The following TMPRSS15 variants were observed in gnomAD, a reference collection of about 807,000 sequenced individuals.
TMPRSS15 encodes enteropeptidase.
TMPRSS15 carries 128 observed loss-of-function variants against 125.3 expected under a neutral mutation model. The observed-to-expected ratio is 1.02, with a 90% CI of 0.89 to 1.18. TMPRSS15 has a LOEUF of 1.18. Among genes scored for constraint, TMPRSS15 ranks in the 50% most tolerant of loss-of-function variants. The pLI is 0.00. For missense variants in TMPRSS15, 1,283 were observed against 1,212.7 expected (o/e 1.06, Z -0.86); for synonymous variants, 446 against 423.2 (o/e 1.05, Z -0.66).
chr21:18,292,174 T>C (rs571848873), intron 21 of TMPRSS15, among the ~76,000 whole-genome samples: 9 of 152,318 alleles, frequency 5.9e-5, no homozygotes, highest in South Asian at 4.1e-4. Context: ...TCCAAATCAA[T>C]GGAATAATAA....
chr21:18,344,331 G>T (rs546838408), intron 10 of TMPRSS15, among the ~76,000 whole-genome samples: 1 of 152,116 alleles, frequency 6.6e-6, no homozygotes, highest in Non-Finnish European at 1.5e-5. Flanking sequence ...ATAAAATTCT[G>T]ACTTATTATG....
chr21:18,418,857 T>C (rs2076185899), intron 1 of TMPRSS15, among the ~76,000 whole-genome samples: 1 of 152,202 alleles, frequency 6.6e-6, no homozygotes, highest in Non-Finnish European at 1.5e-5. Flanking sequence ...GGTAGATCAA[T>C]GCAAAAACAA....
At chr21:18,309,780 C>G (rs889261571) in intron 18 of TMPRSS15, among the ~76,000 whole-genome samples, 1 of 152,166 alleles carries the variant, frequency 6.6e-6, no homozygotes, top group Non-Finnish European at 1.5e-5. Flanking sequence ...CAGGAAACAA[C>G]AGATGCTGGA....
intron 8 of TMPRSS15, among the ~76,000 whole-genome samples, chr21:18,355,373 T>C (rs2075614960): frequency 6.6e-6 from 1 of 151,808 alleles, no homozygotes; most frequent in South Asian, 2.1e-4. Context: ...AATAGAACTG[T>C]GCTAGTCTAA....
intron 18 of TMPRSS15, among the ~76,000 whole-genome samples, chr21:18,303,614 C>A (rs568011630): frequency 1.6e-4 from 25 of 152,090 alleles, no homozygotes; most frequent in African/African-American, 6.0e-4. Flanking sequence ...TAGAAACCTC[C>A]TCTTTTCCAA....
chr21:18,398,417 G>C (rs2824805), intron 1 of TMPRSS15, 88 bp from the exon 2 acceptor site: 269,133 of 1,390,742 alleles, frequency 0.19, 28,913 homozygotes, highest in East Asian at 0.45. Flanking sequence ...TAGAAGTAAA[G>C]CTCTCGCCTG....
At chr21:18,455,905 G>A (rs982294607) in intron 1 of TMPRSS15, among the ~76,000 whole-genome samples, 2 of 152,064 alleles carry the variant, frequency 1.3e-5, no homozygotes, top group African/African-American at 4.8e-5. Flanking sequence ...GTATTGTATA[G>A]CAATCTAGAT....
At chr21:18,293,922 A>G (rs2074868510) in intron 21 of TMPRSS15, among the ~76,000 whole-genome samples, 1 of 152,226 alleles carries the variant, frequency 6.6e-6, no homozygotes, top group African/African-American at 2.4e-5. Flanking sequence ...ATTGAATGGT[A>G]ACCAGTACAA....
At chr21:18,275,089 G>C (rs971932315) in intron 24 of TMPRSS15, 108 bp downstream of exon 24, 2 of 1,435,990 alleles carry the variant, frequency 1.4e-6, no homozygotes, top group African/African-American at 2.8e-5. Flanking sequence ...TTGTAAAAGA[G>C]AAATGAAAGA....
chr21:18,457,788 A>G (rs189680698), intron 1 of TMPRSS15, among the ~76,000 whole-genome samples: 1 of 152,124 alleles, frequency 6.6e-6, no homozygotes, highest in Non-Finnish European at 1.5e-5. Flanking sequence ...ATTTCTAAAA[A>G]CCACTAAAAA....
rs527968260 is a variant in TMPRSS15, at chr21:18,275,447, C to T, written c.2765-111G>A. The T allele has an allele frequency of 1.2e-5, 16 of 1,288,134 alleles. No individual in the cohort carries two copies. In the South Asian group the frequency reaches 1.3e-4, roughly 11 times the overall value. 79.8% of individuals were successfully genotyped at this position (1,288,134 alleles called of 1,614,324 possible). On this transcript the variant is annotated intron_variant, in intron 23 of 24. Transcript: ENST00000284885. ...AACATTTCACTCTCATTATCAAGTA[C>T]TGTGTATATATAATGGAACTAAATA...
intron 1 of TMPRSS15, among the ~76,000 whole-genome samples, chr21:18,439,153 A>T (rs1182413245): frequency 1.3e-5 from 2 of 152,174 alleles, no homozygotes; most frequent in African/African-American, 2.4e-5. Flanking sequence ...TCATCTCTGT[A>T]TTTGCTTTTA....
At chr21:18,280,842 A>G (rs2074689494) in intron 22 of TMPRSS15, among the ~76,000 whole-genome samples, 198 bp downstream of exon 22, 1 of 152,126 alleles carries the variant, frequency 6.6e-6, no homozygotes, top group Non-Finnish European at 1.5e-5. Flanking sequence ...TTCTTTCTGG[A>G]AAGTTGAATT....
chr21:18,415,141 G>T (rs1952534965), intron 1 of TMPRSS15, among the ~76,000 whole-genome samples: 1 of 152,018 alleles, frequency 6.6e-6, no homozygotes, highest in East Asian at 1.9e-4. Context: ...ACACCTGCTG[G>T]CCATTTCTGT....
chr21:18,440,451 TAAG>T (rs1168390275), intron 1 of TMPRSS15, among the ~76,000 whole-genome samples: 1 of 141,000 alleles, frequency 7.1e-6, no homozygotes, highest in African/African-American at 2.7e-5. Context: ...TAACAAGAAA[TAAG>T]AAAGCTTTGA....
At chr21:18,460,339 T>C (rs1358372577) in intron 1 of TMPRSS15, among the ~76,000 whole-genome samples, 1 of 149,696 alleles carries the variant, frequency 6.7e-6, no homozygotes, top group Admixed American at 6.6e-5. Flanking sequence ...TTCTGAATTA[T>C]TAAATTTAGT....
intron 18 of TMPRSS15, among the ~76,000 whole-genome samples, chr21:18,301,194 G>A (rs1005015986): frequency 6.6e-6 from 1 of 152,102 alleles, no homozygotes; most frequent in Admixed American, 6.5e-5. Flanking sequence ...TCATACCAAT[G>A]TTTCTCCAGA....
chr21:18,409,072 T>C (rs2076159346), intron 1 of TMPRSS15, among the ~76,000 whole-genome samples: 1 of 152,168 alleles, frequency 6.6e-6, no homozygotes. Flanking sequence ...TCCTCTTTCT[T>C]TTATACTTGA....
At chr21:18,462,779 GA>G (rs2122953428) in intron 1 of TMPRSS15, among the ~76,000 whole-genome samples, 47 of 151,170 alleles carry the variant, frequency 3.1e-4, no homozygotes, top group Admixed American at 7.9e-4. Context: ...TGAAATGAAG[GA>G]AAAAAAAATT....
Sources: allele counts gnomAD v4.1 joint callset (sites outside exome capture counted in the v4.1 genomes callset), GRCh38; gene constraint gnomAD v4.1.1; transcripts MANE v1.5; gene names NCBI Gene and HGNC (gene_info 2026-07-23, HGNC 2026-07-21).